GALNT17: variants seen among roughly 807,000 people sequenced by gnomAD.
GALNT17 encodes UDP-GalNAc:polypeptide N-acetylgalactosaminyltransferase-like 3.
A neutral mutation model predicts 63.7 loss-of-function variants in GALNT17; 29 were observed. The ratio of observed to expected loss-of-function variants is 0.46; its 90% CI spans 0.34 to 0.62. The LOEUF (loss-of-function observed/expected upper bound fraction) is 0.62. GALNT17 is among the 20% of genes least tolerant of loss of function. The probability of loss-of-function intolerance (pLI) is 0.01; values close to 1 mark genes in which losing one functional copy is unlikely to be tolerated. For missense variants in GALNT17, 603 were observed against 799.6 expected, an observed-to-expected ratio of 0.75 and a Z score of 2.97; for synonymous variants, 305 against 318.3, an observed-to-expected ratio of 0.96 and a Z score of 0.45.
At chr7:71,262,950 G>C (rs1790412896) in intron 1 of GALNT17, among the ~76,000 whole-genome samples, 1 of 151,770 alleles carries the variant, frequency 6.6e-6, no homozygotes, top group South Asian at 2.1e-4. Context: ...CAAAGTACTG[G>C]GATTACAGGC....
chr7:71,552,019 T>TTAA (rs1248841281), intron 5 of GALNT17, among the ~76,000 whole-genome samples: 1 of 2,208 alleles, frequency 4.5e-4, no homozygotes, highest in African/African-American at 5.6e-4. Flanking sequence ...TTTTTATTTA[T>TTAA]TTATTTATTT....
chr7:71,415,670 CG>C (rs1793510808), intron 3 of GALNT17, among the ~76,000 whole-genome samples: 2 of 152,146 alleles, frequency 1.3e-5, no homozygotes, highest in African/African-American at 4.8e-5. Context: ...TCCCGCTGTA[CG>C]GATTGCAAAC....
chr7:71,377,107 T>TA lies in GALNT17; in HGVS notation c.423-11120dup, dbSNP rs1237223835. 2.9e-3 allele frequency among the ~76,000 whole-genome samples: 169 copies of TA among 57,750 alleles called. 18 individuals are homozygous for TA. The highest frequency in any genetic ancestry group is 0.01 in the African/African-American group (136 of 13,494). 37.9% of individuals were successfully genotyped at this position (57,750 alleles called of 152,430 possible). A position where few individuals can be genotyped will look rare whatever the true frequency, so the allele number is the denominator to read the frequency against. ...TCTCAAAAAAAAAAAAAAATAAAAA[T>TA]AAAAAAAATATATATATATATATAT... On this transcript the variant is annotated intron_variant, in intron 2 of 10. Transcript: ENST00000333538.
intron 5 of GALNT17, among the ~76,000 whole-genome samples, chr7:71,533,190 A>G (rs1788748885): frequency 6.6e-6 from 1 of 152,184 alleles, no homozygotes; most frequent in Non-Finnish European, 1.5e-5. Context: ...TAGCTTGTGC[A>G]TTTGTTAAAC....
chr7:71,465,905 T>C (rs375449049), intron 5 of GALNT17, among the ~76,000 whole-genome samples: 1 of 152,356 alleles, frequency 6.6e-6, no homozygotes, highest in Non-Finnish European at 1.5e-5. Context: ...GGCCTTGTTA[T>C]GTAGATGAAG....
chr7:71,621,762 C>T (rs556203256), intron 6 of GALNT17, among the ~76,000 whole-genome samples: 1 of 152,208 alleles, frequency 6.6e-6, no homozygotes, highest in South Asian at 2.1e-4. Flanking sequence ...AAATGGAACC[C>T]TATTTGATGC....
chr7:71,289,884 GAA>G (rs57075200), intron 1 of GALNT17, among the ~76,000 whole-genome samples: 38 of 116,570 alleles, frequency 3.3e-4, no homozygotes, highest in South Asian at 1.1e-3. Flanking sequence ...CGTCTCAAAA[GAA>G]AAAAAAAAAA....
intron 5 of GALNT17, among the ~76,000 whole-genome samples, chr7:71,521,132 C>A (rs1584022263): frequency 6.6e-6 from 1 of 152,298 alleles, no homozygotes. Context: ...TGCACATGCA[C>A]ATATGTTTGG....
intron 6 of GALNT17, among the ~76,000 whole-genome samples, chr7:71,665,009 G>A (rs1298676131): frequency 6.6e-6 from 1 of 151,962 alleles, no homozygotes; most frequent in African/African-American, 2.4e-5. Context: ...ACAAAGTTTT[G>A]CCCTGTCACC....
intron 5 of GALNT17, among the ~76,000 whole-genome samples, chr7:71,555,740 TCGTTGATC>T (rs1789153541): frequency 6.7e-6 from 1 of 150,184 alleles, no homozygotes; most frequent in Non-Finnish European, 1.5e-5. Context: ...CAAGATTCCC[TCGTTGATC>T]CTAAGGTGAG....
intron 5 of GALNT17, among the ~76,000 whole-genome samples, chr7:71,447,506 A>G (rs1274331601): frequency 6.6e-6 from 1 of 152,194 alleles, no homozygotes; most frequent in Non-Finnish European, 1.5e-5. Context: ...AAAATCAAAA[A>G]AAAAATCTGA....
At chr7:71,649,517 G>A (rs1790725114) in intron 6 of GALNT17, among the ~76,000 whole-genome samples, 1 of 151,930 alleles carries the variant, frequency 6.6e-6, no homozygotes, top group African/African-American at 2.4e-5. Flanking sequence ...TGAAGTCCTG[G>A]GACAGGAAGA....
At chr7:71,239,289 G>A (rs1457631868) in intron 1 of GALNT17, among the ~76,000 whole-genome samples, 3 of 132,448 alleles carry the variant, frequency 2.3e-5, no homozygotes, top group African/African-American at 8.8e-5. Context: ...GTGAGACCCT[G>A]TCTGTACCCC....
In GALNT17 at chr7:71,260,652, G is replaced by A. The variant is rs73173904; in HGVS notation, c.239-74898G>A. 2.9e-3 allele frequency among the ~76,000 whole-genome samples: 437 copies of A among 151,450 alleles called. 1 individual carries two copies. The highest frequency in any genetic ancestry group is 4.7e-3 in the Non-Finnish European group (322 of 67,880). On this transcript the variant is annotated intron_variant, in intron 1 of 10. Transcript: ENST00000333538. ...CAGTCTTGCTCTGTCACCAAGCCTG[G>A]AGTGCAGTGGTATGATCCCAGCTCT...
chr7:71,462,536 C>T (rs184789223), intron 5 of GALNT17, among the ~76,000 whole-genome samples: 214 of 152,288 alleles, frequency 1.4e-3, no homozygotes, highest in African/African-American at 4.8e-3. Flanking sequence ...GAAGTGCTGA[C>T]GGCATGTGCC....
At chr7:71,657,346 G>C (rs1214317672) in intron 6 of GALNT17, among the ~76,000 whole-genome samples, 1 of 152,056 alleles carries the variant, frequency 6.6e-6, no homozygotes, top group Admixed American at 6.5e-5. Flanking sequence ...AATAAATAAA[G>C]TAAATATATT....
intron 1 of GALNT17, among the ~76,000 whole-genome samples, chr7:71,305,096 G>A (rs1378423907): frequency 2.0e-5 from 3 of 152,140 alleles, no homozygotes; most frequent in Non-Finnish European, 4.4e-5. Context: ...TTGGGGTAGA[G>A]GTAGATGTAG....
At chr7:71,691,100 G>A (rs1223702807) in intron 9 of GALNT17, among the ~76,000 whole-genome samples, 1 of 152,164 alleles carries the variant, frequency 6.6e-6, no homozygotes, top group African/African-American at 2.4e-5. Context: ...ATATTTCATG[G>A]AAGGGAGAGA....
intron 1 of GALNT17, among the ~76,000 whole-genome samples, chr7:71,155,274 G>A (rs988630086): frequency 2.6e-5 from 4 of 151,444 alleles, no homozygotes; most frequent in African/African-American, 9.8e-5. Flanking sequence ...AATAGAGCCT[G>A]TTCTTATTTT....
Sources: gnomAD v4.1 joint callset for allele counts (sites outside exome capture counted in the v4.1 genomes callset) on GRCh38, gnomAD v4.1.1 for gene constraint, MANE v1.5 for transcripts, NCBI Gene and HGNC (gene_info 2026-07-23, HGNC 2026-07-21) for gene names.